The following ZMIZ1 variants were observed in gnomAD, a reference collection of about 807,000 sequenced individuals.
ZMIZ1 encodes the protein zinc finger MIZ-type containing 1.
A neutral mutation model predicts 113.9 loss-of-function variants in ZMIZ1; 17 were observed. The observed-to-expected ratio is 0.15, with a 90% CI of 0.10 to 0.22. The LOEUF (loss-of-function observed/expected upper bound fraction) is 0.22, where lower values mean the gene tolerates loss of function less well. Among genes scored for constraint, ZMIZ1 ranks in the 10% least tolerant of loss-of-function variants. ZMIZ1 has a pLI of 1.00. For synonymous variants in ZMIZ1, 607 were observed against 603.1 expected (o/e 1.01, Z -0.09); for missense variants, 1,059 against 1,477.8 (o/e 0.72, Z 4.65).
At chr10:79,157,990 C>T (rs555521850) in intron 3 of ZMIZ1, among the ~76,000 whole-genome samples, 4 of 152,238 alleles carry the variant, frequency 2.6e-5, no homozygotes, top group South Asian at 2.1e-4. Flanking sequence ...ATCAGTGTAG[C>T]GGGAGCTGGT....
intron 8 of ZMIZ1, among the ~76,000 whole-genome samples, chr10:79,279,237 A>G (rs1852532831): frequency 6.7e-6 from 1 of 148,446 alleles, no homozygotes; most frequent in African/African-American, 2.5e-5. Context: ...GGGGCTCCTC[A>G]CTTCTCAGAC....
rs758621365 is a variant in ZMIZ1, at chr10:79,302,681, C to CTTTTTTTTT, written c.2125+485_2125+493dup. Among the ~76,000 whole-genome samples the CTTTTTTTTT allele has an allele frequency of 2.1e-3, 89 of 41,786 alleles. 6 individuals are homozygous for CTTTTTTTTT. The highest frequency in any genetic ancestry group is 3.1e-3 in the Non-Finnish European group (66 of 21,594). 27.4% of individuals were successfully genotyped at this position (41,786 alleles called of 152,430 possible). A position where few individuals can be genotyped will look rare whatever the true frequency, so the allele number is the denominator to read the frequency against. Reference sequence around the variant, plus strand: ...GGCCTCCCTACTTCAACAGCTCATGCTTTTTTTTTTTTTTTTTTTTTTTTG... The same window carrying CTTTTTTTTT: ...GGCCTCCCTACTTCAACAGCTCATGCTTTTTTTTTTTTTTTTTTTTTTTTTTTTTTTTTG... On this transcript the variant is annotated intron_variant, in intron 18 of 24. Coordinates refer to ENST00000334512, the MANE Select transcript of ZMIZ1 (RefSeq NM_020338.4).
intron 8 of ZMIZ1, among the ~76,000 whole-genome samples, chr10:79,282,029 C>G (rs987522132): frequency 6.6e-6 from 1 of 152,198 alleles, no homozygotes; most frequent in South Asian, 2.1e-4. Context: ...AAGCCCCAGG[C>G]TATTCTGAGG....
At chr10:79,134,200 C>T (rs746051684) in intron 2 of ZMIZ1, among the ~76,000 whole-genome samples, 47 of 152,254 alleles carry the variant, frequency 3.1e-4, no homozygotes, top group Non-Finnish European at 7.4e-5. Context: ...CACTGGGGCT[C>T]AGGGCGGGGT....
At position 79,293,437 on chromosome 10, in the gene ZMIZ1, G is replaced by A. The variant is rs746739258; in HGVS notation, c.1014G>A (p.Gly338=). The stretch of plus-strand genomic sequence containing the variant: ...TCATGAACCAGCCCGGGCCGCGGGG[G>A]CCTGCCTCCATGGGGGGCAGCATGA... ...SQFMNQPGPR[G]PASMGGSMNP... Residue 338 remains glycine (G), a synonymous_variant, in exon 12 of 25, where the codon GGG becomes GGA. Transcript: ENST00000334512. 1.3e-6 allele frequency: 2 copies of A among 1,531,750 alleles called. No individual in the cohort carries two copies. Among genetic ancestry groups the A allele is most frequent in the Admixed American group, 2.1e-5 (1 of 47,378 alleles). 94.9% of individuals were successfully genotyped at this position (1,531,750 alleles called of 1,614,324 possible).
intron 1 of ZMIZ1, among the ~76,000 whole-genome samples, chr10:79,079,532 G>A (rs1387896590): frequency 2.0e-5 from 3 of 152,176 alleles, no homozygotes; most frequent in Non-Finnish European, 4.4e-5. Context: ...ATAGATTTAT[G>A]TTCACACCTC....
At chr10:79,227,106 A>G (rs1336455045) in intron 7 of ZMIZ1, among the ~76,000 whole-genome samples, 1 of 152,216 alleles carries the variant, frequency 6.6e-6, no homozygotes, top group Non-Finnish European at 1.5e-5. Context: ...TTGTGATTCA[A>G]ACAAGAACAT....
intron 7 of ZMIZ1, among the ~76,000 whole-genome samples, chr10:79,258,917 T>C (rs981077258): frequency 1.3e-5 from 2 of 152,146 alleles, no homozygotes; most frequent in African/African-American, 4.8e-5. Context: ...ATAGAACTAA[T>C]GTGGGGAGGG....
At chr10:79,285,157 C>T (rs1352699516) in intron 8 of ZMIZ1, among the ~76,000 whole-genome samples, 1 of 152,240 alleles carries the variant, frequency 6.6e-6, no homozygotes, top group African/African-American at 2.4e-5. Context: ...GGTCTGGTGA[C>T]CCGGCAGCCT....
At chr10:79,080,681 T>C (rs1367629146) in intron 1 of ZMIZ1, among the ~76,000 whole-genome samples, 1 of 152,172 alleles carries the variant, frequency 6.6e-6, no homozygotes, top group Non-Finnish European at 1.5e-5. Flanking sequence ...GTTTATCTCC[T>C]GCAAAAGAAT....
At chr10:79,211,608 A>G (rs971106913) in intron 6 of ZMIZ1, among the ~76,000 whole-genome samples, 13 of 152,158 alleles carry the variant, frequency 8.5e-5, no homozygotes, top group African/African-American at 2.7e-4. Flanking sequence ...TTTCTGTCAT[A>G]CTCACTTCTA....
At chr10:79,154,025 T>C (rs6480922) in intron 3 of ZMIZ1, among the ~76,000 whole-genome samples, 122,412 of 152,190 alleles carry the variant, frequency 0.8, 49,664 homozygotes, top group African/African-American at 0.89. Flanking sequence ...CGACAGTGCC[T>C]GTGCCCTTCA....
intron 7 of ZMIZ1, among the ~76,000 whole-genome samples, chr10:79,217,523 A>G (rs977844771): frequency 6.6e-6 from 1 of 152,256 alleles, no homozygotes; most frequent in African/African-American, 2.4e-5. Flanking sequence ...GAAAAAGAAA[A>G]AAAGAAACAG....
At chr10:79,184,119 C>T (rs76254663) in intron 4 of ZMIZ1, among the ~76,000 whole-genome samples, 1,877 of 152,282 alleles carry the variant, frequency 0.012, 37 homozygotes, top group South Asian at 0.074. Context: ...GGCTCTGCTC[C>T]GTGGCCTGTC....
chr10:79,157,206 G>A (rs1003490865), intron 3 of ZMIZ1, among the ~76,000 whole-genome samples: 13 of 152,190 alleles, frequency 8.5e-5, no homozygotes, highest in African/African-American at 3.1e-4. Flanking sequence ...TTCTTCCTCT[G>A]TAAAGTGGGA....
intron 1 of ZMIZ1, among the ~76,000 whole-genome samples, chr10:79,086,869 A>G (rs1842831256): frequency 6.6e-6 from 1 of 151,626 alleles, no homozygotes; most frequent in African/African-American, 2.4e-5. Context: ...CCTGAATTGC[A>G]TTTTTGCATT....
chr10:79,083,040 C>T (rs1842707570), intron 1 of ZMIZ1, among the ~76,000 whole-genome samples: 1 of 152,234 alleles, frequency 6.6e-6, no homozygotes, highest in African/African-American at 2.4e-5. Flanking sequence ...CTTCCAGGCC[C>T]TGGGGATACA....
intron 4 of ZMIZ1, among the ~76,000 whole-genome samples, chr10:79,189,771 C>T (rs1353807592): frequency 6.6e-6 from 1 of 152,214 alleles, no homozygotes; most frequent in Non-Finnish European, 1.5e-5. Flanking sequence ...GAGCACCTAG[C>T]GTGATTTTTG....
At chr10:79,192,658 C>T (rs995788135) in intron 4 of ZMIZ1, among the ~76,000 whole-genome samples, 3 of 152,216 alleles carry the variant, frequency 2.0e-5, no homozygotes, top group African/African-American at 7.2e-5. Context: ...AAAACACTGT[C>T]CCCTAAGTAT....
Sources: gnomAD v4.1 joint callset for allele counts (sites outside exome capture counted in the v4.1 genomes callset) on GRCh38, gnomAD v4.1.1 for gene constraint, MANE v1.5 for transcripts, NCBI Gene and HGNC (gene_info 2026-07-23, HGNC 2026-07-21) for gene names.